The following SPMIP5 variants were observed in gnomAD, a reference collection of about 807,000 sequenced individuals.
SPMIP5 encodes the protein sperm microtubule inner protein 5, also known as sperm-associated microtubule inner protein 5.
chr10:116,669,155 C>A, the SPMIP5 span, among the ~76,000 whole-genome samples: 4 of 152,164 alleles, frequency 2.6e-5, no homozygotes, highest in African/African-American at 4.8e-5. Context: ...GTCATTCCCC[C>A]CAAGTGGGCT....
chr10:116,665,968 T>A, the SPMIP5 span: 1 of 722,568 alleles, frequency 1.4e-6, no homozygotes, highest in Non-Finnish European at 2.2e-6. Flanking sequence ...CAAAGGCCAT[T>A]AATACAAGCA....
the SPMIP5 span, chr10:116,663,699 G>A: frequency 9.4e-5 from 52 of 552,752 alleles, no homozygotes; most frequent in African/African-American, 1.3e-4. Flanking sequence ...TTTAGCATGC[G>A]GAGAAGCAGC....
At chr10:116,664,159 G>C in the SPMIP5 span, 9 of 1,614,002 alleles carry the variant, frequency 5.6e-6, no homozygotes, top group African/African-American at 1.1e-4. Flanking sequence ...GAAGGAAAGA[G>C]ACATTTCTCC....
At chr10:116,664,918 C>T in the SPMIP5 span, 9 of 1,613,698 alleles carry the variant, frequency 5.6e-6, no homozygotes, top group South Asian at 8.8e-5. Context: ...ATCGGGGGCT[C>T]CTGGAGAGGT....
the SPMIP5 span, chr10:116,663,827 C>T: frequency 4.2e-6 from 6 of 1,418,682 alleles, no homozygotes; most frequent in Non-Finnish European, 5.5e-6. Flanking sequence ...TTATTGCTCA[C>T]TGGGCGTGAT....
At chr10:116,663,946 T>C in the SPMIP5 span, 1 of 1,537,824 alleles carries the variant, frequency 6.5e-7, no homozygotes, top group South Asian at 1.2e-5. Flanking sequence ...TGGCTCTAGA[T>C]ACATCTTCCC....
the SPMIP5 span, chr10:116,664,426 T>A: frequency 1.3e-6 from 1 of 797,528 alleles, no homozygotes; most frequent in Non-Finnish European, 1.9e-6. Context: ...ATCACCCTCC[T>A]CATTTCGCAG....
chr10:116,667,570 T>C, the SPMIP5 span, among the ~76,000 whole-genome samples: 873 of 152,286 alleles, frequency 5.7e-3, 7 homozygotes, highest in Non-Finnish European at 8.1e-3. Context: ...AACCCTGGAA[T>C]ATCACCCAAG....
the SPMIP5 span, chr10:116,668,452 C>A: frequency 2.6e-6 from 2 of 761,304 alleles, no homozygotes; most frequent in Non-Finnish European, 4.6e-6. Flanking sequence ...TGAGAGGCAG[C>A]ACTACCACCT....
At chr10:116,668,124 G>T in the SPMIP5 span, 2 of 827,158 alleles carry the variant, frequency 2.4e-6, 1 homozygote, top group South Asian at 3.1e-5. Context: ...TGCTCTCAAT[G>T]CATGTCTGAG....
the SPMIP5 span, chr10:116,668,257 C>T: frequency 1.2e-6 from 2 of 1,613,480 alleles, no homozygotes; most frequent in Non-Finnish European, 1.7e-6. Flanking sequence ...TCCACACTTA[C>T]CGCTATAGCC....
At chr10:116,667,114 T>C in the SPMIP5 span, among the ~76,000 whole-genome samples, 1 of 152,124 alleles carries the variant, frequency 6.6e-6, no homozygotes, top group Non-Finnish European at 1.5e-5. Flanking sequence ...ATCTGATGAC[T>C]GATGTCCTTA....
the SPMIP5 span, among the ~76,000 whole-genome samples, chr10:116,663,166 A>T: frequency 7.0e-6 from 1 of 142,732 alleles, no homozygotes; most frequent in African/African-American, 2.6e-5. Flanking sequence ...TGGGTGACAG[A>T]GCTAGATTCT....
chr10:116,667,830 G>A, the SPMIP5 span, among the ~76,000 whole-genome samples: 1 of 152,204 alleles, frequency 6.6e-6, no homozygotes, highest in Non-Finnish European at 1.5e-5. Flanking sequence ...GTAGACCAGG[G>A]CAGTTGGCCA....
chr10:116,663,369 C>T, the SPMIP5 span, among the ~76,000 whole-genome samples: 2 of 152,102 alleles, frequency 1.3e-5, no homozygotes, highest in Admixed American at 6.5e-5. Context: ...GACTTCCAGC[C>T]TCCAGAACTG....
the SPMIP5 span, chr10:116,668,201 GT>G: frequency 6.6e-7 from 1 of 1,524,766 alleles, no homozygotes; most frequent in Non-Finnish European, 9.1e-7. Context: ...GGCAGGGACA[GT>G]GACCAGGACC....
the SPMIP5 span, among the ~76,000 whole-genome samples, chr10:116,666,245 G>A: frequency 7.2e-5 from 11 of 152,124 alleles, no homozygotes; most frequent in Admixed American, 1.3e-4. Flanking sequence ...CTTTCTTGCC[G>A]GACCATCAGG....
At chr10:116,668,472 C>CCACACACA in the SPMIP5 span, 1 of 690,204 alleles carries the variant, frequency 1.4e-6, no homozygotes, top group South Asian at 1.7e-5. Flanking sequence ...TTACCCAAAG[C>CCACACACA]CAGAGACACA....
At chr10:116,664,853 G>A in the SPMIP5 span, 1 of 1,614,146 alleles carries the variant, frequency 6.2e-7, no homozygotes, top group East Asian at 2.2e-5. Context: ...TGTATCTCGT[G>A]CCACAGCCAA....
Sources: gnomAD v4.1 joint callset for allele counts (sites outside exome capture counted in the v4.1 genomes callset) on GRCh38, gnomAD v4.1.1 for gene constraint, MANE v1.5 for transcripts, NCBI Gene and HGNC (gene_info 2026-07-23, HGNC 2026-07-21) for gene names.